The following LHFPL5 variants were observed in gnomAD, a reference collection of about 807,000 sequenced individuals.
The protein encoded by LHFPL5 is LHFPL tetraspan subfamily member 5 protein.
In LHFPL5, 12 loss-of-function variants were observed where a neutral mutation model predicts 18.7. The observed-to-expected ratio is 0.64, with a 90% confidence interval of 0.41 to 1.04. LHFPL5 has a LOEUF of 1.04. Among genes scored for constraint, LHFPL5 ranks in the 50% least tolerant of loss-of-function variants. The pLI is 0.00. For missense variants in LHFPL5, 259 were observed against 292.1 expected (o/e 0.89, Z 0.83); for synonymous variants, 111 against 120.2 (o/e 0.92, Z 0.50).
intron 2 of LHFPL5, among the ~76,000 whole-genome samples, chr6:35,817,888 C>A (rs1768791391): frequency 6.6e-6 from 1 of 152,126 alleles, no homozygotes; most frequent in African/African-American, 2.4e-5. Context: ...AATGTTCACA[C>A]AAAAACTTAT....
At chr6:35,811,796 C>G (rs975687902) in intron 1 of LHFPL5, among the ~76,000 whole-genome samples, 1 of 152,236 alleles carries the variant, frequency 6.6e-6, no homozygotes, top group Non-Finnish European at 1.5e-5. Context: ...GGTTTCACCA[C>G]GGAGCTGTGG....
chr6:35,812,211 G>A (rs1334434205), intron 1 of LHFPL5, among the ~76,000 whole-genome samples: 1 of 152,184 alleles, frequency 6.6e-6, no homozygotes, highest in African/African-American at 2.4e-5. Context: ...GTGGGGAGGT[G>A]GGACCCTGAT....
At chr6:35,812,087 CT>C (rs1459315469) in intron 1 of LHFPL5, among the ~76,000 whole-genome samples, 17 of 152,202 alleles carry the variant, frequency 1.1e-4, no homozygotes, top group African/African-American at 4.1e-4. Flanking sequence ...AGCCAGCCCA[CT>C]TCACAGAAAG....
chr6:35,823,314 G>C lies in LHFPL5; in HGVS notation c.*349G>C, dbSNP rs1768900930. On this transcript the variant is annotated 3_prime_UTR_variant, in exon 4 of 4. Transcript: ENST00000360215. ...GAAGCCTCTCCTCTGTAAAGCGAGA[G>C]GGCTAAATGGGTCCATCTCTAGGGG... 1 of 151,782 alleles carries C rather than the reference G, an allele frequency of 6.6e-6. No homozygotes were observed. Among genetic ancestry groups the C allele is most frequent in the Non-Finnish European group, 1.5e-5 (1 of 68,058 alleles). The allele number at this position is 151,782 out of a possible 1,614,324, so 9.4% of individuals were successfully genotyped here.
At chr6:35,817,983 A>T (rs937673774) in intron 2 of LHFPL5, among the ~76,000 whole-genome samples, 1 of 152,240 alleles carries the variant, frequency 6.6e-6, no homozygotes, top group Non-Finnish European at 1.5e-5. Flanking sequence ...TGATGAACAG[A>T]TAAACAAAAT....
In LHFPL5 at chr6:35,823,483, T is replaced by A. The variant is rs1333727501; in HGVS notation, c.*518T>A. On this transcript the variant is annotated 3_prime_UTR_variant, in exon 4 of 4. Transcript: ENST00000360215. ...CACACACACACACACACACACTCTC[T>A]CTCTCTCTCAAACACACACAAATGC... 6.7e-6 allele frequency: 1 copy of A among 149,540 alleles called. No homozygotes were observed. Among genetic ancestry groups the A allele is most frequent in the Non-Finnish European group, 1.5e-5 (1 of 67,560 alleles). The allele number at this position is 149,540 out of a possible 1,614,324, so 9.3% of individuals were successfully genotyped here.
At chr6:35,818,351 A>ATATATATTTT (rs1768805129) in intron 2 of LHFPL5, among the ~76,000 whole-genome samples, 2 of 106,926 alleles carry the variant, frequency 1.9e-5, no homozygotes, top group Admixed American at 1.0e-4. Context: ...ATATATATGT[A>ATATATATTTT]TTTTTTTTTT....
At chr6:35,815,129 T>G (rs997925290) in intron 2 of LHFPL5, among the ~76,000 whole-genome samples, 10 of 151,930 alleles carry the variant, frequency 6.6e-5, no homozygotes, top group Non-Finnish European at 1.5e-4. Flanking sequence ...AGTTTGTTGG[T>G]GGAGATGGGG....
chr6:35,820,298 C>T (rs1025860533), intron 3 of LHFPL5, among the ~76,000 whole-genome samples: 1 of 152,108 alleles, frequency 6.6e-6, no homozygotes, highest in Non-Finnish European at 1.5e-5. Flanking sequence ...GTAAGTTAAC[C>T]AGTTTTAATG....
Position 35,823,494 on chromosome 6 carries a change from AACAC to A in LHFPL5, c.*535_*538del, listed in dbSNP as rs1310981648. Reference sequence around the variant, plus strand: ...ACACACACACTCTCTCTCTCTCTCAAACACACACAAATGCCCAACCAGCTCTAAG... The same window carrying A: ...ACACACACACTCTCTCTCTCTCTCAAACACAAATGCCCAACCAGCTCTAAG... On this transcript the variant is annotated 3_prime_UTR_variant, in exon 4 of 4. Transcript: ENST00000360215. 9.8e-6 allele frequency: 1 copy of A among 102,406 alleles called. No homozygotes were observed. The highest frequency in any genetic ancestry group is 2.1e-5 in the Non-Finnish European group (1 of 47,310). The allele number at this position is 102,406 out of a possible 1,614,324, so 6.3% of individuals were successfully genotyped here. A position where few individuals can be genotyped will look rare whatever the true frequency, so the allele number is the denominator to read the frequency against.
chr6:35,816,573 A>C (rs1016684300), intron 2 of LHFPL5, among the ~76,000 whole-genome samples: 1 of 152,076 alleles, frequency 6.6e-6, no homozygotes, highest in African/African-American at 2.4e-5. Flanking sequence ...GCGCTCTGGG[A>C]GGCCAAGGCA....
At chr6:35,807,862 A>T (rs931490946) in intron 1 of LHFPL5, among the ~76,000 whole-genome samples, 1 of 152,232 alleles carries the variant, frequency 6.6e-6, no homozygotes, top group African/African-American at 2.4e-5. Flanking sequence ...AAGTATAATG[A>T]TCTATGAAAT....
At chr6:35,819,676 C>G in intron 3 of LHFPL5, 1 of 578,282 alleles carries the variant, frequency 1.7e-6, no homozygotes, top group Non-Finnish European at 3.0e-6. Context: ...TTAGTTTTAC[C>G]TGTGTCTTTT....
chr6:35,814,727 G>T lies in LHFPL5; in HGVS notation c.594G>T (p.Val198=). 6.2e-7 allele frequency: 1 copy of T among 1,614,172 alleles called. No homozygotes were observed. The stretch of plus-strand genomic sequence containing the variant: ...TCATCCTCTCCTTCCTGGCCTTCGT[G>T]TTGGGCTACCGGCAGGACAAGCTCC... ...DALILSFLAF[V]LGYRQDKLLP... The change falls in exon 2 of 4, where the codon GTG becomes GTT. Residue 198 remains valine, a synonymous_variant. Transcript: ENST00000360215. This position sits in a 1 kb window ranked among gnomAD's most constrained non-coding sequence, Gnocchi z 4.2.
rs34049571 is a variant in LHFPL5, at chr6:35,821,449, TTGTGTGTGTG to T, written c.*17-1497_*17-1488del. ...ATAAAAAAGCATTAGAGCATAATCT[TTGTGTGTGTG>T]TGTGTGTGTGTGTGTGTGTGTGTGT... On this transcript the variant is annotated intron_variant, in intron 3 of 3. Coordinates refer to ENST00000360215, the MANE Select transcript of LHFPL5 (RefSeq NM_182548.4). Among the ~76,000 whole-genome samples, 43 of 120,434 alleles carry T rather than the reference TTGTGTGTGTG, an allele frequency of 3.6e-4. No individual in the cohort carries two copies. The Middle Eastern group carries it at 0.012, about 33-fold the overall frequency. 79.0% of individuals were successfully genotyped at this position (120,434 alleles called of 152,430 possible). A position where few individuals can be genotyped will look rare whatever the true frequency, so the allele number is the denominator to read the frequency against.
In LHFPL5 at chr6:35,821,744, G is replaced by C. The variant is rs1013434002; in HGVS notation, c.*17-1238G>C. 8.6e-5 allele frequency among the ~76,000 whole-genome samples: 13 copies of C among 151,682 alleles called. No homozygotes were observed. In the East Asian group the frequency reaches 2.1e-3, roughly 25 times the overall value. On this transcript the variant is annotated intron_variant, in intron 3 of 3. Transcript: ENST00000360215. ...GATCCTCCCGCCTCAGCCTCCAGAA[G>C]TGCTGGGATTACAGGCATGAGCCAC...
At chr6:35,818,343 ATATATGTATTT>A (rs1176554444) in intron 2 of LHFPL5, among the ~76,000 whole-genome samples, 38 of 7,320 alleles carry the variant, frequency 5.2e-3, no homozygotes, top group East Asian at 0.014. Flanking sequence ...ATATATATAT[ATATATGTATTT>A]TTTTTTTTTT....
intron 2 of LHFPL5, among the ~76,000 whole-genome samples, chr6:35,818,026 C>T (rs1768793150): frequency 6.6e-6 from 1 of 152,046 alleles, no homozygotes; most frequent in Admixed American, 6.6e-5. Context: ...ATTATCCAGC[C>T]ATAAAAAGGA....
chr6:35,818,343 A>T lies in LHFPL5; in HGVS notation c.650-1094A>T, dbSNP rs1297322853. 2.9e-3 allele frequency among the ~76,000 whole-genome samples: 21 copies of T among 7,326 alleles called. 3 individuals carry two copies. Among genetic ancestry groups the T allele is most frequent in the South Asian group, 4.6e-3 (1 of 218 alleles). 4.8% of individuals were successfully genotyped at this position (7,326 alleles called of 152,430 possible). ...GCCATATATATATATATATATATAT[A>T]TATATGTATTTTTTTTTTTTTTTTT... On this transcript the variant is annotated intron_variant, in intron 2 of 3. Transcript: ENST00000360215.
Sources: allele counts gnomAD v4.1 joint callset (sites outside exome capture counted in the v4.1 genomes callset), GRCh38; gene constraint gnomAD v4.1.1; non-coding constraint Gnocchi (gnomAD v3.1); transcripts MANE v1.5; gene names NCBI Gene and HGNC (gene_info 2026-07-23, HGNC 2026-07-21).